Variants in CAPN11 observed in about 807,000 individuals in gnomAD.
CAPN11 encodes calpain-11.
CAPN11 carries 108 observed loss-of-function variants against 105.3 expected under a neutral mutation model. That is an observed-to-expected ratio of 1.03 (90% CI 0.88 to 1.20). The LOEUF (loss-of-function observed/expected upper bound fraction) is 1.20, where lower values mean the gene tolerates loss of function less well. CAPN11 is among the 50% of genes most tolerant of loss of function. CAPN11 has a pLI of 0.00. For synonymous variants in CAPN11, 329 were observed against 344.5 expected (o/e 0.96, Z 0.50); for missense variants, 883 against 924.8 (o/e 0.95, Z 0.59).
chr6:44,179,911 C>A, intron 13 of CAPN11, 41 bp from the exon 14 acceptor site: 1 of 1,506,352 alleles, frequency 6.6e-7, no homozygotes, highest in Non-Finnish European at 9.2e-7. Flanking sequence ...CCTCCCTAAC[C>A]TCCCATGCCA....
chr6:44,166,947 C>CGGG, intron 2 of CAPN11, 118 bp downstream of exon 2: 1 of 267,446 alleles, frequency 3.7e-6, no homozygotes, highest in Admixed American at 4.6e-5. Context: ...GTGGGGAGGG[C>CGGG]GGCGGGGGGA....
At position 44,180,464 on chromosome 6, in the gene CAPN11, T is replaced by C. The variant is rs537843150; in HGVS notation, c.1645T>C (p.Leu549=). The C allele has an allele frequency of 3.7e-6, 6 of 1,612,382 alleles. No homozygotes were observed. In the Admixed American group the frequency reaches 6.7e-5, roughly 18 times the overall value. ...GCTTTCAATCATTTTGCCCAGGGAA[T>C]TGGATGAAGTCAACTATGCTGAGCA... ...FTEKHSESWE[L]DEVNYAEQLQ... is the part of the protein sequence containing the mutation. Residue 549 remains leucine, a synonymous_variant, in exon 15 of 23, where the codon TTG becomes CTG. Transcript: ENST00000398776.
At chr6:44,176,174 TACCCTGAGG>T (rs1266779087) in intron 8 of CAPN11, 23 bp downstream of exon 8, 1 of 1,418,820 alleles carries the variant, frequency 7.0e-7, no homozygotes, top group African/African-American at 1.7e-5. Context: ...AAATGCGCCC[TACCCTGAGG>T]ACCCTGAGAA....
In CAPN11 at chr6:44,183,127, C is replaced by T; in HGVS notation, c.2026C>T (p.Leu676=). The change falls in exon 21 of 23, where the codon CTG becomes TTG. Residue 676 remains leucine (L), a synonymous_variant. Coordinates refer to ENST00000398776, the MANE Select transcript of CAPN11 (RefSeq NM_007058.4). The part of the protein sequence containing the change: ...RLVIEKAGIK[L]NNKVMQVLVA... The stretch of plus-strand genomic sequence containing the variant: ...CTCTCTCCCTCTCTCAGGCATCAAG[C>T]TGAACAACAAGGTAATGCAGGTCCT... 6.2e-7 allele frequency: 1 copy of T among 1,612,286 alleles called. No homozygotes were observed. Among genetic ancestry groups the T allele is most frequent in the Non-Finnish European group, 8.5e-7 (1 of 1,178,514 alleles).
intron 5 of CAPN11, 55 bp from the exon 6 acceptor site, chr6:44,172,885 G>A (rs938268871): frequency 6.3e-7 from 1 of 1,587,236 alleles, no homozygotes; most frequent in African/African-American, 1.3e-5. Context: ...CTGGCCACTA[G>A]GAGGCGCTTG....
chr6:44,176,159 C>A lies in CAPN11; in HGVS notation c.915+8C>A. 2 of 1,539,206 alleles carry A rather than the reference C, an allele frequency of 1.3e-6. No individual in the cohort carries two copies. On this transcript the variant is annotated splice_region_variant and intron_variant, in intron 8 of 22. Coordinates refer to ENST00000398776, the MANE Select transcript of CAPN11 (RefSeq NM_007058.4). Reference sequence around the variant, plus strand: ...GTGACTGGCCTTCAGGATGTGAGTCCTGAGAAATGCGCCCTACCCTGAGGA... The same window carrying A: ...GTGACTGGCCTTCAGGATGTGAGTCATGAGAAATGCGCCCTACCCTGAGGA...
At chr6:44,164,292 C>G (rs1013416231) in intron 1 of CAPN11, among the ~76,000 whole-genome samples, 2 of 152,096 alleles carry the variant, frequency 1.3e-5, no homozygotes, top group African/African-American at 4.8e-5. Flanking sequence ...GGGAGGTAAA[C>G]AATAAACAAA....
At chr6:44,168,642 G>A (rs963532698) in intron 2 of CAPN11, among the ~76,000 whole-genome samples, 26 of 151,608 alleles carry the variant, frequency 1.7e-4, no homozygotes, top group African/African-American at 6.3e-4. Context: ...TTATTTTTGA[G>A]ACAGAGTTTC....
In CAPN11 at chr6:44,179,454, G is replaced by A. The variant is rs192261187; in HGVS notation, c.1417-165G>A. On this transcript the variant is annotated intron_variant, in intron 12 of 22. Transcript: ENST00000398776. The stretch of plus-strand genomic sequence containing the variant: ...TTGTTAATGCCAGGACCTTTGAACT[G>A]TCAGAGCCCGTGCCCCACTCCACCA... Among the ~76,000 whole-genome samples, 1,183 of 151,950 alleles carry A rather than the reference G, an allele frequency of 7.8e-3. 30 individuals carry two copies. The highest frequency in any genetic ancestry group is 7.7e-3 in the Non-Finnish European group (524 of 67,974).
intron 2 of CAPN11, among the ~76,000 whole-genome samples, chr6:44,168,706 G>A (rs192838090): frequency 1.9e-3 from 290 of 151,902 alleles, no homozygotes; most frequent in African/African-American, 6.7e-3. Context: ...CTGCACCTCC[G>A]CCTCCTGGGT....
In CAPN11 at chr6:44,181,447, ACT is replaced by A. The variant is rs1773162928; in HGVS notation, c.1938+129_1938+130del. ...ACACACACACACCCAACCACACCAC[ACT>A]CACACACACACACACACACTCACAT... On this transcript the variant is annotated intron_variant, in intron 19 of 22. Transcript: ENST00000398776. 2.5e-5 allele frequency: 12 copies of A among 486,810 alleles called. 2 individuals carry two copies. Among genetic ancestry groups the A allele is most frequent in the Admixed American group, 7.0e-5 (2 of 28,420 alleles). 30.2% of individuals were successfully genotyped at this position (486,810 alleles called of 1,614,324 possible).
intron 7 of CAPN11, among the ~76,000 whole-genome samples, chr6:44,174,515 C>T (rs1319022235): frequency 1.3e-5 from 1 of 77,308 alleles, no homozygotes; most frequent in Non-Finnish European, 2.4e-5. Context: ...TCATCTCTAC[C>T]AAAAAAAAAA....
At chr6:44,175,032 G>A (rs547348285) in intron 7 of CAPN11, among the ~76,000 whole-genome samples, 3 of 152,316 alleles carry the variant, frequency 2.0e-5, no homozygotes, top group Admixed American at 6.5e-5. Flanking sequence ...ATAAAAGGGC[G>A]ACTCAAGGGA....
rs1165071474 is a variant in CAPN11, at chr6:44,177,348, A to C, written c.1344A>C (p.Leu448=). ...NVVVCTCLVA[L]MQKNWRHARQ... is the part of the protein sequence containing the mutation. ...TGGTCTGCACCTGCCTGGTGGCCCT[A>C]ATGCAGAAGAACTGGCGGCATGCAC... is the stretch of plus-strand genomic sequence containing the variant. Residue 448 remains leucine (L), a synonymous_variant, in exon 12 of 23, where the codon CTA becomes CTC. Transcript: ENST00000398776. The C allele has an allele frequency of 6.2e-7, 1 of 1,613,842 alleles. No individual in the cohort carries two copies. The highest frequency in any genetic ancestry group is 1.3e-5 in the African/African-American group (1 of 74,930).
At chr6:44,161,778 T>C (rs1280417413) in intron 1 of CAPN11, 1 of 456,126 alleles carries the variant, frequency 2.2e-6, no homozygotes, top group Non-Finnish European at 4.4e-6. Flanking sequence ...GCATCTTCCC[T>C]GGTCCTTCCA....
At position 44,181,186 on chromosome 6, in the gene CAPN11, C is replaced by T. The variant is rs371671531; in HGVS notation, c.1870-66C>T. ...GCTTGTGTGTCCCCTCAGGAACCCC[C>T]GCTGCTTCCCTATCCCCTGGGATGC... On this transcript the variant is annotated intron_variant, in intron 18 of 22. Coordinates refer to ENST00000398776, the MANE Select transcript of CAPN11 (RefSeq NM_007058.4). 40 of 1,476,520 alleles carry T rather than the reference C, an allele frequency of 2.7e-5. No individual in the cohort carries two copies. The East Asian group carries it at 3.2e-4, about 12-fold the overall frequency. The allele number at this position is 1,476,520 out of a possible 1,614,324, so 91.5% of individuals were successfully genotyped here.
chr6:44,177,496 T>C (rs73429791), intron 12 of CAPN11, 76 bp downstream of exon 12: 262,154 of 1,216,482 alleles, frequency 0.22, 27,554 homozygotes, highest in Middle Eastern at 0.28. Context: ...TTCTTTCTTT[T>C]TTTTTTTTCG....
chr6:44,159,915 AT>A (rs1372667722), intron 1 of CAPN11, among the ~76,000 whole-genome samples: 1 of 152,020 alleles, frequency 6.6e-6, no homozygotes, highest in Admixed American at 6.6e-5. Context: ...CAGGTGGATC[AT>A]CTGAGGTCAG....
At chr6:44,168,098 A>G (rs1376904678) in intron 2 of CAPN11, among the ~76,000 whole-genome samples, 1 of 152,188 alleles carries the variant, frequency 6.6e-6, no homozygotes, top group East Asian at 1.9e-4. Context: ...TATGCATCCA[A>G]CACCACAACC....
Sources: allele counts gnomAD v4.1 joint callset (sites outside exome capture counted in the v4.1 genomes callset), GRCh38; gene constraint gnomAD v4.1.1; transcripts MANE v1.5; gene names NCBI Gene and HGNC (gene_info 2026-07-23, HGNC 2026-07-21).